Variants in SFSWAP observed in about 807,000 individuals in gnomAD.
SFSWAP encodes splicing factor SWAP.
A neutral mutation model predicts 100.7 loss-of-function variants in SFSWAP; 17 were observed. The observed-to-expected ratio is 0.17, with a 90% CI of 0.12 to 0.25. SFSWAP has a LOEUF of 0.25. SFSWAP is among the 10% of genes least tolerant of loss of function. SFSWAP has a pLI of 1.00. For missense variants in SFSWAP, 1,005 were observed against 1,262.6 expected (o/e 0.80, Z 3.09); for synonymous variants, 504 against 510.1 (o/e 0.99, Z 0.16).
chr12:131,725,598 T>C lies in SFSWAP; in HGVS notation c.800T>C (p.Val267Ala), dbSNP rs1878893180. 6.2e-7 allele frequency: 1 copy of C among 1,613,860 alleles called. No individual in the cohort carries two copies. The highest frequency in any genetic ancestry group is 8.5e-7 in the Non-Finnish European group (1 of 1,179,998). Residue 267 changes from valine (V) to alanine (A), a missense_variant, in exon 5 of 18, where the codon GTC becomes GCC. Physicochemically the swap from Val to Ala is moderately conservative, Grantham distance 64. Around this residue, in one of 7 missense-constraint regions of SFSWAP, gnomAD observed 54 missense variants for 51.9 expected, o/e 1.04. Coordinates refer to ENST00000261674, the MANE Select transcript of SFSWAP (RefSeq NM_004592.4). The surrounding 1 kb of genome is among the most constrained non-coding windows in gnomAD (Gnocchi z 4.3). ...GCCATGAAAGAGGGACGCTACACTG[T>C]CCTGGCAGAAAACAAAAGTGACGAG... is the stretch of plus-strand genomic sequence containing the variant. ...QKAMKEGRYTVLAENKSDEKK... is the reference protein window; with the variant it reads ...QKAMKEGRYTALAENKSDEKK...
chr12:131,788,445 C>T (rs952863270), intron 15 of SFSWAP, among the ~76,000 whole-genome samples: 5 of 152,128 alleles, frequency 3.3e-5, no homozygotes, highest in East Asian at 3.8e-4. Context: ...TGTGTAATTA[C>T]TGGTTAATTT....
intron 14 of SFSWAP, among the ~76,000 whole-genome samples, chr12:131,779,237 G>GTGTGTGAAGAGGGCGGCGCGGGTGAGCA (rs1566051544): frequency 7.0e-6 from 1 of 142,152 alleles, no homozygotes; most frequent in Non-Finnish European, 1.5e-5. Context: ...GCGGGTGAGC[G>GTGTGTGAAGAGGGCGGCGCGGGTGAGCA]TGTGTGAAGA....
rs1247740348 is a variant in SFSWAP, at chr12:131,734,055, AC to A, written c.1081+5630del. Among the ~76,000 whole-genome samples, 1 of 152,178 alleles carries A rather than the reference AC, an allele frequency of 6.6e-6. No homozygotes were observed. Among genetic ancestry groups the A allele is most frequent in the Non-Finnish European group, 1.5e-5 (1 of 68,030 alleles). On this transcript the variant is annotated intron_variant, in intron 7 of 17. Coordinates refer to ENST00000261674, the MANE Select transcript of SFSWAP (RefSeq NM_004592.4). The surrounding 1 kb of genome is among the most constrained non-coding windows in gnomAD (Gnocchi z 4.9). Reference sequence around the variant, plus strand: ...ATTCTTCTGTCCTAGGTGAGTGCCCACCCTGTGGCACTGAGACCCAACAGCT... The same window carrying A: ...ATTCTTCTGTCCTAGGTGAGTGCCCACCTGTGGCACTGAGACCCAACAGCT...
In SFSWAP at chr12:131,734,698, G is replaced by C. The variant is rs1254238368; in HGVS notation, c.1081+6270G>C. Among the ~76,000 whole-genome samples, 1 of 152,230 alleles carries C rather than the reference G, an allele frequency of 6.6e-6. No homozygotes were observed. Among genetic ancestry groups the C allele is most frequent in the Admixed American group, 6.5e-5 (1 of 15,280 alleles). ...CACCGAGTAACTTCAGAAAAGTGAA[G>C]AGCAGAAGTTCCAAAAGCACCTGGT... On this transcript the variant is annotated intron_variant, in intron 7 of 17. Transcript: ENST00000261674. The surrounding 1 kb of genome is among the most constrained non-coding windows in gnomAD (Gnocchi z 4.9).
intron 16 of SFSWAP, among the ~76,000 whole-genome samples, chr12:131,797,879 CCTGGG>C (rs1217292296): frequency 6.6e-6 from 1 of 152,236 alleles, no homozygotes; most frequent in African/African-American, 2.4e-5. Context: ...GCACCCACAC[CCTGGG>C]GGGACCAGAG....
At chr12:131,770,275 C>A (rs1417400028) in intron 13 of SFSWAP, among the ~76,000 whole-genome samples, 1 of 152,192 alleles carries the variant, frequency 6.6e-6, no homozygotes, top group Non-Finnish European at 1.5e-5. Context: ...GACAAGACCA[C>A]ATTCGGCCAC....
In SFSWAP at chr12:131,714,913, G is replaced by A. The variant is rs146187057; in HGVS notation, c.480G>A (p.Pro160=). The change falls in exon 3 of 18, where the codon CCG becomes CCA. Residue 160 remains proline (P), a synonymous_variant. Transcript: ENST00000261674. The surrounding 1 kb of genome is among the most constrained non-coding windows in gnomAD (Gnocchi z 6.0). ...CTTACGGTAGCGACTATTACGACCC[G>A]TCAGAGCCGACGGAGGAGGAGGAGC... The part of the protein sequence containing the change: ...GFTYGSDYYD[P]SEPTEEEEPS... 1.5e-4 allele frequency: 237 copies of A among 1,614,164 alleles called. No homozygotes were observed. The highest frequency in any genetic ancestry group is 1.4e-3 in the African/African-American group (105 of 75,042).
In SFSWAP at chr12:131,738,628, T is replaced by C. The variant is rs553710927; in HGVS notation, c.1081+10200T>C. 3.3e-5 allele frequency among the ~76,000 whole-genome samples: 5 copies of C among 152,274 alleles called. No homozygotes were observed. In the East Asian group the frequency reaches 9.6e-4, roughly 29 times the overall value. On this transcript the variant is annotated intron_variant, in intron 7 of 17. Coordinates refer to ENST00000261674, the MANE Select transcript of SFSWAP (RefSeq NM_004592.4). The stretch of plus-strand genomic sequence containing the variant: ...AAAAGGTTAGGAGAACATTGAGAGG[T>C]TGTCATTGTAGATATTTTTTAAAGC...
chr12:131,786,465 C>A lies in SFSWAP; in HGVS notation c.2411C>A (p.Ser804Tyr). 1 of 1,586,202 alleles carries A rather than the reference C, an allele frequency of 6.3e-7. No individual in the cohort carries two copies. Among genetic ancestry groups the A allele is most frequent in the East Asian group, 2.3e-5 (1 of 43,756 alleles). Residue 804 changes from serine (S) to tyrosine (Y), a missense_variant and splice_region_variant, in exon 15 of 18, where the codon TCC becomes TAC. Physicochemically the swap from Ser to Tyr is moderately radical, Grantham distance 144 (BLOSUM62 -2). Around this residue, in one of 7 missense-constraint regions of SFSWAP, gnomAD observed 295 missense variants for 347.9 expected, o/e 0.85. Transcript: ENST00000261674. Reference protein sequence around the residue: ...SAYRTVRRSRSRSRSPRRRAH... With the variant: ...SAYRTVRRSRYRSRSPRRRAH... The stretch of plus-strand genomic sequence containing the variant: ...ACACTGCCTCCTCCCCTGTCCAGGT[C>A]CCGCTCCCGGTCCCCTCGGAGGAGA...
rs923461728 is a variant in SFSWAP, at chr12:131,778,560, C to T, written c.2408+230C>T. On this transcript the variant is annotated intron_variant, in intron 14 of 17. Transcript: ENST00000261674. The surrounding 1 kb of genome is among the most constrained non-coding windows in gnomAD (Gnocchi z 4.2). The stretch of plus-strand genomic sequence containing the variant: ...GAGACAGAGTTTTGTTCTTGTTGCC[C>T]AGGCTAGAGTGCAGTGGTGCGATCT... Among the ~76,000 whole-genome samples the T allele has an allele frequency of 1.3e-5, 2 of 152,132 alleles. No homozygotes were observed. The highest frequency in any genetic ancestry group is 4.8e-5 in the African/African-American group (2 of 41,420).
intron 11 of SFSWAP, among the ~76,000 whole-genome samples, chr12:131,762,370 C>T (rs561972261): frequency 6.6e-6 from 1 of 152,216 alleles, no homozygotes; most frequent in African/African-American, 2.4e-5. Flanking sequence ...ATGATTGCAC[C>T]ACTGCACTGC....
intron 11 of SFSWAP, among the ~76,000 whole-genome samples, chr12:131,763,838 A>T (rs928057062): frequency 1.3e-5 from 2 of 152,112 alleles, no homozygotes; most frequent in South Asian, 4.2e-4. Context: ...TTTTTAAAGA[A>T]AAATGAGGCC....
At chr12:131,726,326 C>T (rs1200988341) in intron 5 of SFSWAP, among the ~76,000 whole-genome samples, 1 of 152,188 alleles carries the variant, frequency 6.6e-6, no homozygotes, top group Non-Finnish European at 1.5e-5. Context: ...TCTCATGCCT[C>T]AGCCTCCCGA....
intron 4 of SFSWAP, among the ~76,000 whole-genome samples, chr12:131,721,920 A>G (rs1242290097): frequency 6.6e-6 from 1 of 152,226 alleles, no homozygotes; most frequent in Admixed American, 6.5e-5. Context: ...TGGCAGTGTC[A>G]GTATTTCATT....
rs898398346 is a variant in SFSWAP at position 131,714,480 on chromosome 12, C to A, written c.388+240C>A. ...GACTGGGATTTGAAAAAAACAAAAACCAAACTCTTTAACTGTTCTTCTTTA... is the reference window on the plus strand; with the variant it reads ...GACTGGGATTTGAAAAAAACAAAAAACAAACTCTTTAACTGTTCTTCTTTA... On this transcript the variant is annotated intron_variant, in intron 2 of 17. Coordinates refer to ENST00000261674, the MANE Select transcript of SFSWAP (RefSeq NM_004592.4). This position sits in a 1 kb window ranked among gnomAD's most constrained non-coding sequence, Gnocchi z 6.0. 2.0e-6 allele frequency: 1 copy of A among 494,438 alleles called. No individual in the cohort carries two copies. Among genetic ancestry groups the A allele is most frequent in the Non-Finnish European group, 3.6e-6 (1 of 280,114 alleles). The allele number at this position is 494,438 out of a possible 1,614,324, so 30.6% of individuals were successfully genotyped here.
At chr12:131,797,104 A>G in intron 15 of SFSWAP, 74 bp from the exon 16 acceptor site, 4 of 1,400,706 alleles carry the variant, frequency 2.9e-6, no homozygotes, top group Non-Finnish European at 3.9e-6. Context: ...AAACTGGCTC[A>G]GATCCGAGCT....
At chr12:131,713,368 A>G in intron 1 of SFSWAP, 1 of 152,226 alleles carries the variant, frequency 6.6e-6, no homozygotes, top group East Asian at 1.9e-4. Context: ...TATTTCCTTG[A>G]GGGTATAAAG....
chr12:131,771,423 A>C (rs1309268354), intron 13 of SFSWAP, among the ~76,000 whole-genome samples: 1 of 151,996 alleles, frequency 6.6e-6, no homozygotes, highest in Non-Finnish European at 1.5e-5. Flanking sequence ...CAGTGAGTGC[A>C]CCCACGGGGG....
intron 14 of SFSWAP, among the ~76,000 whole-genome samples, chr12:131,782,110 C>T (rs537244133): frequency 3.3e-5 from 5 of 152,134 alleles, no homozygotes; most frequent in East Asian, 1.9e-4. Context: ...CCCAGGAGAT[C>T]GAATCTAGCC....
Sources: gnomAD v4.1 joint callset for allele counts (sites outside exome capture counted in the v4.1 genomes callset) on GRCh38, gnomAD v4.1.1 for gene constraint, gnomAD v4.1.1 regional missense constraint, Gnocchi (gnomAD v3.1) non-coding constraint, MANE v1.5 for transcripts, NCBI Gene and HGNC (gene_info 2026-07-23, HGNC 2026-07-21) for gene names.